The following RYR3 variants were observed in gnomAD, a reference collection of about 807,000 sequenced individuals.
RYR3 encodes the protein ryanodine receptor 3, also known as brain ryanodine receptor-calcium release channel.
In RYR3, 207 loss-of-function variants were observed where a neutral mutation model predicts 584.3. The ratio of observed to expected loss-of-function variants is 0.35; its 90% CI spans 0.32 to 0.40. The LOEUF (loss-of-function observed/expected upper bound fraction) is 0.40, where lower values mean the gene tolerates loss of function less well. RYR3 is among the 10% of genes least tolerant of loss of function. The pLI, the probability that RYR3 is intolerant of heterozygous loss-of-function variation, is 1.00. For synonymous variants in RYR3, 2,416 were observed against 2,248.5 expected, an observed-to-expected ratio of 1.07 and a Z score of -2.11; for missense variants, 5,616 against 6,089.2, an observed-to-expected ratio of 0.92 and a Z score of 2.59.
chr15:33,365,706 A>C (rs1975397821), intron 1 of RYR3, among the ~76,000 whole-genome samples: 1 of 152,212 alleles, frequency 6.6e-6, no homozygotes, highest in Non-Finnish European at 1.5e-5. Flanking sequence ...TTACTATGCA[A>C]ATAAATAAGT....
Position 33,834,988 on chromosome 15 carries a change from A to T in RYR3, c.11484A>T (p.Gln3828His). ...TGCAGGGCCCTTGCATTGGTAATCA[A>T]CAGAGCCTGGCTCACAGCAGGCTGT... ...EYIQGPCIGNQQSLAHSRLWD... is the reference protein window; with the variant it reads ...EYIQGPCIGNHQSLAHSRLWD... Residue 3828 changes from glutamine (Q) to histidine (H), a missense_variant, in exon 87 of 104, where the codon CAA becomes CAT. By Grantham distance (24) the Gln-to-His change is conservative. Coordinates refer to ENST00000634891, the MANE Select transcript of RYR3 (RefSeq NM_001036.6). 1 of 1,613,952 alleles carries T rather than the reference A, an allele frequency of 6.2e-7. No homozygotes were observed.
At chr15:33,416,926 G>GCAC (rs776649181) in intron 1 of RYR3, among the ~76,000 whole-genome samples, 4 of 152,074 alleles carry the variant, frequency 2.6e-5, no homozygotes, top group Non-Finnish European at 5.9e-5. Flanking sequence ...AGTTTTCCCA[G>GCAC]CACCATTTAT....
intron 27 of RYR3, 82 bp from the exon 28 acceptor site, chr15:33,644,229 A>C: frequency 9.4e-7 from 1 of 1,059,116 alleles, no homozygotes; most frequent in Non-Finnish European, 1.4e-6. Context: ...CAAAGCCCTT[A>C]AGGAAGCAAA....
In RYR3 at chr15:33,861,122, A is replaced by C. The variant is rs913668008; in HGVS notation, c.14409A>C (p.Thr4803=). 1.9e-6 allele frequency: 3 copies of C among 1,598,138 alleles called. No individual in the cohort carries two copies. Among genetic ancestry groups the C allele is most frequent in the Non-Finnish European group, 2.6e-6 (3 of 1,171,492 alleles). Residue 4803 remains threonine, a synonymous_variant, in exon 102 of 104, where the codon ACA becomes ACC. Transcript: ENST00000634891. The part of the protein sequence containing the change: ...ICGIGNDYFD[T]TPHGFETHTL... ...GGATTGGCAATGACTACTTTGACAC[A>C]ACCCCTCATGGTTTTGAAACACATA... is the stretch of plus-strand genomic sequence containing the variant.
chr15:33,380,107 T>A (rs2041075719), intron 1 of RYR3, among the ~76,000 whole-genome samples: 1 of 152,180 alleles, frequency 6.6e-6, no homozygotes, highest in Non-Finnish European at 1.5e-5. Context: ...GTTCACTGAC[T>A]CAAATGTCAG....
chr15:33,668,152 A>G (rs1036248643), intron 36 of RYR3, among the ~76,000 whole-genome samples: 1 of 97,302 alleles, frequency 1.0e-5, no homozygotes, highest in African/African-American at 2.8e-5. Flanking sequence ...CTGAAAATAC[A>G]AAAAAAAAAA....
intron 81 of RYR3, among the ~76,000 whole-genome samples, chr15:33,823,597 T>C (rs967232): frequency 0.23 from 34,599 of 152,094 alleles, 4,356 homozygotes; most frequent in Non-Finnish European, 0.28. Context: ...ATGGGAACAT[T>C]TTGACATAGC....
chr15:33,411,647 C>T lies in RYR3; in HGVS notation c.52-61772C>T, dbSNP rs190839894. Among the ~76,000 whole-genome samples the T allele has an allele frequency of 1.9e-3, 282 of 152,310 alleles. 5 individuals carry two copies. The South Asian group carries it at 0.03, about 16-fold the overall frequency. ...TGCCAAAATCTGAATCACAAACTTACGACCACTTCCACTTCCCCTTAGGAG... is the reference window on the plus strand; with the variant it reads ...TGCCAAAATCTGAATCACAAACTTATGACCACTTCCACTTCCCCTTAGGAG... On this transcript the variant is annotated intron_variant, in intron 1 of 103. Transcript: ENST00000634891.
At chr15:33,586,726 AT>A (rs2058867299) in intron 16 of RYR3, among the ~76,000 whole-genome samples, 1 of 152,110 alleles carries the variant, frequency 6.6e-6, no homozygotes, top group Non-Finnish European at 1.5e-5. Context: ...ATGCTATATC[AT>A]TTTTTTGAGA....
intron 17 of RYR3, among the ~76,000 whole-genome samples, chr15:33,602,412 T>G (rs1376365956): frequency 6.6e-6 from 1 of 152,204 alleles, no homozygotes; most frequent in Non-Finnish European, 1.5e-5. Flanking sequence ...AGTAATGACT[T>G]CTTAATGGTT....
At chr15:33,571,618 A>C (rs1204064009) in intron 12 of RYR3, among the ~76,000 whole-genome samples, 1 of 152,162 alleles carries the variant, frequency 6.6e-6, no homozygotes, top group African/African-American at 2.4e-5. Flanking sequence ...GGTGTCTTGA[A>C]TGTGCAGATT....
intron 18 of RYR3, among the ~76,000 whole-genome samples, chr15:33,610,471 G>T (rs1485802494): frequency 2.6e-5 from 4 of 152,160 alleles, no homozygotes; most frequent in African/African-American, 4.8e-5. Flanking sequence ...CCAGTCCCAG[G>T]TGTAGTATCT....
At chr15:33,397,562 A>G (rs116346182) in intron 1 of RYR3, among the ~76,000 whole-genome samples, 1,549 of 152,314 alleles carry the variant, frequency 0.01, 25 homozygotes, top group African/African-American at 0.035. Flanking sequence ...AGCCGTAGTC[A>G]TGGCTGGTGG....
chr15:33,788,354 G>T lies in RYR3; in HGVS notation c.9726G>T (p.Gly3242=), dbSNP rs751003400. ...AGCAGTTGAAAGCCGATGGCAAAGG[G>T]GACACCCAGGAGGCAGAACTCCTCA... ...EEEQLKADGK[G]DTQEAELLIL... Residue 3242 remains glycine, a synonymous_variant, in exon 67 of 104, where the codon GGG becomes GGT. Coordinates refer to ENST00000634891, the MANE Select transcript of RYR3 (RefSeq NM_001036.6). The T allele has an allele frequency of 9.9e-6, 16 of 1,613,804 alleles. No homozygotes were observed. Among genetic ancestry groups the T allele is most frequent in the Non-Finnish European group, 1.2e-5 (14 of 1,179,880 alleles).
intron 1 of RYR3, among the ~76,000 whole-genome samples, chr15:33,363,684 A>G (rs781210781): frequency 4.6e-5 from 7 of 152,182 alleles, no homozygotes; most frequent in South Asian, 2.1e-4. Context: ...ATGAGATGTT[A>G]ACATAAAATG....
At chr15:33,741,650 G>A (rs2070130330) in intron 51 of RYR3, among the ~76,000 whole-genome samples, 2 of 152,086 alleles carry the variant, frequency 1.3e-5, no homozygotes, top group South Asian at 4.1e-4. Flanking sequence ...GTCTTACTCT[G>A]TCACCCAGGC....
chr15:33,812,783 A>G, intron 72 of RYR3, 80 bp from the exon 73 acceptor site: 1 of 1,436,026 alleles, frequency 7.0e-7, no homozygotes, highest in Non-Finnish European at 9.5e-7. Context: ...CTCCTACAGA[A>G]CCATGGTAGG....
Position 33,830,988 on chromosome 15 carries a change from A to G in RYR3, c.11360A>G (p.Tyr3787Cys), listed in dbSNP as rs1294110552. The change falls in exon 86 of 104, where the codon TAT (tyrosine) becomes TGT (cysteine). Residue 3787 changes from tyrosine to cysteine, a missense_variant. Tyr to Cys is a radical substitution (Grantham distance 194). This residue lies in a region of RYR3 where 954 missense variants were observed against 1,132.2 expected (regional missense o/e 0.84). Transcript: ENST00000634891. ...GAATCAATCAGTGATTTCTACTGGT[A>G]TTATTCAGGGAAGGACATCATTGAT... ...LQESISDFYW[Y>C]YSGKDIIDES... The G allele has an allele frequency of 6.2e-7, 1 of 1,613,682 alleles. No individual in the cohort carries two copies. The highest frequency in any genetic ancestry group is 1.1e-5 in the South Asian group (1 of 91,044).
intron 20 of RYR3, among the ~76,000 whole-genome samples, chr15:33,626,664 C>T (rs911588173): frequency 2.6e-5 from 4 of 152,148 alleles, no homozygotes; most frequent in African/African-American, 4.8e-5. Flanking sequence ...CCCAGGGCCC[C>T]CTTGCTTTGT....
Sources: gnomAD v4.1 joint callset for allele counts (sites outside exome capture counted in the v4.1 genomes callset) on GRCh38, gnomAD v4.1.1 for gene constraint, gnomAD v4.1.1 regional missense constraint, MANE v1.5 for transcripts, NCBI Gene and HGNC (gene_info 2026-07-23, HGNC 2026-07-21) for gene names.